The following RILP variants were observed in gnomAD, a reference collection of about 807,000 sequenced individuals.
RILP encodes the protein rab-interacting lysosomal protein.
A neutral mutation model predicts 40.0 loss-of-function variants in RILP; 53 were observed. The observed-to-expected ratio is 1.32, with a 90% CI of 1.06 to 1.66. The LOEUF is 1.66. Ranked by LOEUF, RILP falls within the 40% of genes most tolerant of loss-of-function variation. The pLI, the probability that RILP is intolerant of heterozygous loss-of-function variation, is 0.00. For missense variants in RILP, 626 were observed against 551.7 expected (o/e 1.13, Z -1.35); for synonymous variants, 272 against 250.6 (o/e 1.09, Z -0.80).
chr17:1,648,768 G>A lies in RILP; in HGVS notation c.675+31C>T, dbSNP rs2151105977. Reference sequence around the variant, plus strand: ...ACCGAGGGCTGGACGCTGCGTCCTGGGCTGGGTCCTTGCCCTCATACGGCA... The same window carrying A: ...ACCGAGGGCTGGACGCTGCGTCCTGAGCTGGGTCCTTGCCCTCATACGGCA... On this transcript the variant is annotated intron_variant, in intron 4 of 7. Coordinates refer to ENST00000301336, the MANE Select transcript of RILP (RefSeq NM_031430.3). This position sits in a 1 kb window ranked among gnomAD's most constrained non-coding sequence, Gnocchi z 4.9. 1 of 1,484,982 alleles carries A rather than the reference G, an allele frequency of 6.7e-7. No homozygotes were observed. Among genetic ancestry groups the A allele is most frequent in the Non-Finnish European group, 8.9e-7 (1 of 1,125,990 alleles). 92.0% of individuals were successfully genotyped at this position (1,484,982 alleles called of 1,614,324 possible). A position where few individuals can be genotyped will look rare whatever the true frequency, so the allele number is the denominator to read the frequency against.
chr17:1,646,833 G>A lies in RILP; in HGVS notation c.1028+73C>T. 8.3e-7 allele frequency: 1 copy of A among 1,208,112 alleles called. No individual in the cohort carries two copies. Among genetic ancestry groups the A allele is most frequent in the Non-Finnish European group, 1.2e-6 (1 of 864,010 alleles). The allele number at this position is 1,208,112 out of a possible 1,614,324, so 74.8% of individuals were successfully genotyped here. A position where few individuals can be genotyped will look rare whatever the true frequency, so the allele number is the denominator to read the frequency against. ...GTGACGGGCAGAGAAGCGGGAAAGG[G>A]GATCCTGAGAAGGACCAGCCAGGGC... On this transcript the variant is annotated intron_variant, in intron 7 of 7. Transcript: ENST00000301336. The surrounding 1 kb of genome is among the most constrained non-coding windows in gnomAD (Gnocchi z 4.3).
Position 1,646,768 on chromosome 17 carries a change from A to G in RILP, c.1028+138T>C. On this transcript the variant is annotated intron_variant, in intron 7 of 7. Coordinates refer to ENST00000301336, the MANE Select transcript of RILP (RefSeq NM_031430.3). The surrounding 1 kb of genome is among the most constrained non-coding windows in gnomAD (Gnocchi z 4.3). The stretch of plus-strand genomic sequence containing the variant: ...AGGTGATGGGGGCCAGGGCCAGAGA[A>G]GCAGGAGGGGACGGTGTGCTTAGAG... The G allele has an allele frequency of 9.5e-7, 1 of 1,047,732 alleles. No individual in the cohort carries two copies. Among genetic ancestry groups the G allele is most frequent in the Non-Finnish European group, 1.4e-6 (1 of 720,508 alleles). The allele number at this position is 1,047,732 out of a possible 1,614,324, so 64.9% of individuals were successfully genotyped here.
chr17:1,648,540 TCC>T lies in RILP; in HGVS notation c.676-47_676-46del. The T allele has an allele frequency of 6.3e-7, 1 of 1,598,494 alleles. No homozygotes were observed. The highest frequency in any genetic ancestry group is 8.5e-7 in the Non-Finnish European group (1 of 1,175,024). On this transcript the variant is annotated intron_variant, in intron 4 of 7. Transcript: ENST00000301336. This position sits in a 1 kb window ranked among gnomAD's most constrained non-coding sequence, Gnocchi z 4.9. ...GTCAGAGGGTCGCCTCGGCTGGCGT[TCC>T]CCCGCCCCAGGGCCATCATGGGAAT...
chr17:1,648,533 C>G lies in RILP; in HGVS notation c.676-38G>C. On this transcript the variant is annotated intron_variant, in intron 4 of 7. Coordinates refer to ENST00000301336, the MANE Select transcript of RILP (RefSeq NM_031430.3). The surrounding 1 kb of genome is among the most constrained non-coding windows in gnomAD (Gnocchi z 4.9). Reference sequence around the variant, plus strand: ...AGGCACAGTCAGAGGGTCGCCTCGGCTGGCGTTCCCCCGCCCCAGGGCCAT... The same window carrying G: ...AGGCACAGTCAGAGGGTCGCCTCGGGTGGCGTTCCCCCGCCCCAGGGCCAT... The G allele has an allele frequency of 6.2e-7, 1 of 1,601,618 alleles. No individual in the cohort carries two copies. The highest frequency in any genetic ancestry group is 1.3e-5 in the African/African-American group (1 of 74,760).
Position 1,648,420 on chromosome 17 carries a change from T to C in RILP, c.751A>G (p.Ile251Val). The change falls in exon 5 of 8, where the codon ATC becomes GTC. Residue 251 changes from isoleucine to valine, a missense_variant. Ile to Val is a conservative substitution (Grantham distance 29). Coordinates refer to ENST00000301336, the MANE Select transcript of RILP (RefSeq NM_031430.3). The surrounding 1 kb of genome is among the most constrained non-coding windows in gnomAD (Gnocchi z 4.9). Reference sequence around the variant, plus strand: ...TTGAGTTCATTCCGCTCCTGAAGGATCTGCTCAAACTCCTCCCGACTGAAG... The same window carrying C: ...TTGAGTTCATTCCGCTCCTGAAGGACCTGCTCAAACTCCTCCCGACTGAAG... ...CRFSREEFEQILQERNELKAK... is the reference protein window; with the variant it reads ...CRFSREEFEQVLQERNELKAK... The C allele has an allele frequency of 1.1e-5, 17 of 1,614,088 alleles. No individual in the cohort carries two copies. The highest frequency in any genetic ancestry group is 1.4e-5 in the Non-Finnish European group (16 of 1,180,006).
At position 1,649,776 on chromosome 17, in the gene RILP, A is replaced by AC; in HGVS notation, c.28dup (p.Val10GlyfsTer29). ...GGCCTCCCGAGACCCCCAGCCAGGC[A>AC]CCCCGGGCGCCGCCCTCCTGGGCTC... On this transcript the variant is annotated frameshift_variant, in exon 1 of 8. Coordinates refer to ENST00000301336, the MANE Select transcript of RILP (RefSeq NM_031430.3). LOFTEE classifies it high-confidence loss of function. This position sits in a 1 kb window ranked among gnomAD's most constrained non-coding sequence, Gnocchi z 4.3. The AC allele has an allele frequency of 6.4e-7, 1 of 1,562,936 alleles. No homozygotes were observed. Among genetic ancestry groups the AC allele is most frequent in the Non-Finnish European group, 8.6e-7 (1 of 1,161,624 alleles).
Position 1,646,370 on chromosome 17 carries a change from G to T in RILP, c.*72C>A. On this transcript the variant is annotated 3_prime_UTR_variant, in exon 8 of 8. Coordinates refer to ENST00000301336, the MANE Select transcript of RILP (RefSeq NM_031430.3). This position sits in a 1 kb window ranked among gnomAD's most constrained non-coding sequence, Gnocchi z 4.3. ...CAGGCCAGGATTGGGGCAGACCCCT[G>T]GCGAGGGCTGTGAAGGCGGGAGCCC... 7.0e-7 allele frequency: 1 copy of T among 1,431,288 alleles called. No individual in the cohort carries two copies. Among genetic ancestry groups the T allele is most frequent in the Non-Finnish European group, 9.4e-7 (1 of 1,062,520 alleles). 88.7% of individuals were successfully genotyped at this position (1,431,288 alleles called of 1,614,324 possible).
At chr17:1,647,394 C>A (rs1437487913) in intron 6 of RILP, among the ~76,000 whole-genome samples, 1 of 152,154 alleles carries the variant, frequency 6.6e-6, no homozygotes, top group Non-Finnish European at 1.5e-5. Context: ...CCCACCTTAG[C>A]CTCTCAAAGT....
In RILP at chr17:1,649,221, C is replaced by G. The variant is rs1357221101; in HGVS notation, c.408G>C (p.Gln136His). The change falls in exon 3 of 8, where the codon CAG becomes CAC. Residue 136 changes from glutamine to histidine, a missense_variant. Gln to His is a conservative substitution (Grantham distance 24, BLOSUM62 0). Transcript: ENST00000301336. This position sits in a 1 kb window ranked among gnomAD's most constrained non-coding sequence, Gnocchi z 4.3. The stretch of plus-strand genomic sequence containing the variant: ...TCACCGCCTCGGTCTCCTGGCCGCG[C>G]TGCCGCAGGTCGCGGTTGTGCGCCC... ...ELRAHNRDLRQRGQETEALQE... is the reference protein window; with the variant it reads ...ELRAHNRDLRHRGQETEALQE... 2 of 1,486,442 alleles carry G rather than the reference C, an allele frequency of 1.3e-6. No individual in the cohort carries two copies. Among genetic ancestry groups the G allele is most frequent in the Non-Finnish European group, 1.8e-6 (2 of 1,125,502 alleles). The allele number at this position is 1,486,442 out of a possible 1,614,324, so 92.1% of individuals were successfully genotyped here.
rs772620261 is a variant in RILP, at chr17:1,648,387, C to G, written c.784G>C (p.Val262Leu). ...LQERNELKAK[V>L]FLLKEELAYF... The stretch of plus-strand genomic sequence containing the variant: ...GCCAGTTCCTCCTTGAGCAGGAACA[C>G]TTTGGCTTTGAGTTCATTCCGCTCC... The change falls in exon 5 of 8, where the codon GTG becomes CTG. Residue 262 changes from valine to leucine, a missense_variant. Transcript: ENST00000301336. This position sits in a 1 kb window ranked among gnomAD's most constrained non-coding sequence, Gnocchi z 4.9. 1 of 1,614,142 alleles carries G rather than the reference C, an allele frequency of 6.2e-7. No individual in the cohort carries two copies. The highest frequency in any genetic ancestry group is 1.3e-5 in the African/African-American group (1 of 75,074).
In RILP at chr17:1,649,695, G is replaced by A. The variant is rs774810689; in HGVS notation, c.110C>T (p.Thr37Ile). 1.7e-5 allele frequency: 27 copies of A among 1,591,806 alleles called. No individual in the cohort carries two copies. In the African/African-American group the frequency reaches 3.1e-4, roughly 18 times the overall value. Residue 37 changes from threonine (T) to isoleucine (I), a missense_variant, in exon 1 of 8, where the codon ACT becomes ATT. By Grantham distance (89) the Thr-to-Ile change is moderately conservative. Coordinates refer to ENST00000301336, the MANE Select transcript of RILP (RefSeq NM_031430.3). This position sits in a 1 kb window ranked among gnomAD's most constrained non-coding sequence, Gnocchi z 4.3. ...ACGGCGCGCCAGATCCTGCAGCTCAGTGCCCAGGGCCCCGGCTAGATGGTA... is the reference window on the plus strand; with the variant it reads ...ACGGCGCGCCAGATCCTGCAGCTCAATGCCCAGGGCCCCGGCTAGATGGTA... ...LVYHLAGALG[T>I]ELQDLARRFG...
intron 6 of RILP, 142 bp downstream of exon 6, chr17:1,647,693 A>G: frequency 9.5e-7 from 1 of 1,047,662 alleles, no homozygotes; most frequent in South Asian, 1.4e-5. Context: ...CGGCCAGGCT[A>G]GGGAGGCTCA....
At position 1,646,545 on chromosome 17, in the gene RILP, C is replaced by G; in HGVS notation, c.1103G>C (p.Gly368Ala). The change falls in exon 8 of 8, where the codon GGG becomes GCG. Residue 368 changes from glycine to alanine, a missense_variant. Physicochemically the swap from Gly to Ala is moderately conservative, Grantham distance 60. Coordinates refer to ENST00000301336, the MANE Select transcript of RILP (RefSeq NM_031430.3). The surrounding 1 kb of genome is among the most constrained non-coding windows in gnomAD (Gnocchi z 4.3). ...CTGTGGTTGGGCCTCCTCTTCTCCC[C>G]CTAGCTTGCTGGGTGCAGGGCTGCT... ...ETSSPAPSKL[G>A]GEEEAQPQSP... 1 of 1,613,436 alleles carries G rather than the reference C, an allele frequency of 6.2e-7. No homozygotes were observed. Among genetic ancestry groups the G allele is most frequent in the Admixed American group, 1.7e-5 (1 of 59,924 alleles).
At position 1,648,347 on chromosome 17, in the gene RILP, C is replaced by T. The variant is rs1327020667; in HGVS notation, c.821+3G>A. On this transcript the variant is annotated splice_donor_region_variant and intron_variant, in intron 5 of 7. Transcript: ENST00000301336. This position sits in a 1 kb window ranked among gnomAD's most constrained non-coding sequence, Gnocchi z 4.9. ...AGGCCCCCCGGCTTCCCAGCGTCCT[C>T]ACCGCTGGAAGTAGGCCAGTTCCTC... 6 of 1,612,824 alleles carry T rather than the reference C, an allele frequency of 3.7e-6. No individual in the cohort carries two copies. Among genetic ancestry groups the T allele is most frequent in the East Asian group, 2.2e-5 (1 of 44,854 alleles).
chr17:1,649,175 C>A lies in RILP; in HGVS notation c.429+25G>T. The A allele has an allele frequency of 1.5e-6, 2 of 1,341,310 alleles. No individual in the cohort carries two copies. The highest frequency in any genetic ancestry group is 1.5e-5 in the African/African-American group (1 of 64,950). The allele number at this position is 1,341,310 out of a possible 1,614,324, so 83.1% of individuals were successfully genotyped here. A position where few individuals can be genotyped will look rare whatever the true frequency, so the allele number is the denominator to read the frequency against. ...CCTGCCACGCTCCGCCCCCGCCCCGCCCCAGAGCCCCGCCCCGCCCTCACC... is the reference window on the plus strand; with the variant it reads ...CCTGCCACGCTCCGCCCCCGCCCCGACCCAGAGCCCCGCCCCGCCCTCACC... On this transcript the variant is annotated intron_variant, in intron 3 of 7. Transcript: ENST00000301336. This position sits in a 1 kb window ranked among gnomAD's most constrained non-coding sequence, Gnocchi z 4.3.
Position 1,648,507 on chromosome 17 carries a change from C to T in RILP, c.676-12G>A. The stretch of plus-strand genomic sequence containing the variant: ...TGCGCGGCCTCCGCCTTTGGAAGGA[C>T]AGGCACAGTCAGAGGGTCGCCTCGG... On this transcript the variant is annotated splice_polypyrimidine_tract_variant and intron_variant, in intron 4 of 7. Transcript: ENST00000301336. The surrounding 1 kb of genome is among the most constrained non-coding windows in gnomAD (Gnocchi z 4.9). 6.2e-7 allele frequency: 1 copy of T among 1,610,988 alleles called. No homozygotes were observed. The highest frequency in any genetic ancestry group is 8.5e-7 in the Non-Finnish European group (1 of 1,179,474).
Position 1,649,445 on chromosome 17 carries a change from G to A in RILP, c.289C>T (p.Arg97Cys). 1 of 1,510,596 alleles carries A rather than the reference G, an allele frequency of 6.6e-7. No homozygotes were observed. The highest frequency in any genetic ancestry group is 8.8e-7 in the Non-Finnish European group (1 of 1,137,180). 93.6% of individuals were successfully genotyped at this position (1,510,596 alleles called of 1,614,324 possible). The change falls in exon 2 of 8, where the codon CGC becomes TGC. Residue 97 changes from arginine to cysteine, a missense_variant. Arg to Cys is a radical substitution (Grantham distance 180). Coordinates refer to ENST00000301336, the MANE Select transcript of RILP (RefSeq NM_031430.3). This position sits in a 1 kb window ranked among gnomAD's most constrained non-coding sequence, Gnocchi z 4.3. ...ELRRLREENERLRRELRAGPQ... is the reference protein window; with the variant it reads ...ELRRLREENECLRRELRAGPQ... ...CCCGCGCGCAGCTCCCTGCGGAGGCGCTCGTTCTCCTCCCGCAGCCGCCGC... is the reference window on the plus strand; with the variant it reads ...CCCGCGCGCAGCTCCCTGCGGAGGCACTCGTTCTCCTCCCGCAGCCGCCGC...
At chr17:1,647,204 A>C (rs1910654861) in intron 6 of RILP, among the ~76,000 whole-genome samples, 1 of 151,788 alleles carries the variant, frequency 6.6e-6, no homozygotes, top group African/African-American at 2.4e-5. Flanking sequence ...CAGTGGTGCG[A>C]TCTCAGCTCA....
rs762275812 is a variant in RILP at position 1,649,539 on chromosome 17, C to T, written c.229-34G>A. The T allele has an allele frequency of 1.3e-5, 20 of 1,508,208 alleles. No individual in the cohort carries two copies. In the African/African-American group the frequency reaches 1.7e-4, roughly 13 times the overall value. 93.4% of individuals were successfully genotyped at this position (1,508,208 alleles called of 1,614,324 possible). ...ACCCGGGTCTCAGGCTTCGGCCCTG[C>T]CGGCCCCGTGGGTGGCGAAGGGAGG... On this transcript the variant is annotated intron_variant, in intron 1 of 7. Coordinates refer to ENST00000301336, the MANE Select transcript of RILP (RefSeq NM_031430.3). The surrounding 1 kb of genome is among the most constrained non-coding windows in gnomAD (Gnocchi z 4.3).
Sources: gnomAD v4.1 joint callset for allele counts (sites outside exome capture counted in the v4.1 genomes callset) on GRCh38, gnomAD v4.1.1 for gene constraint, Gnocchi (gnomAD v3.1) non-coding constraint, MANE v1.5 for transcripts, NCBI Gene and HGNC (gene_info 2026-07-23, HGNC 2026-07-21) for gene names.